The following SDK1 variants were observed in gnomAD, a reference collection of about 807,000 sequenced individuals.
SDK1 encodes the protein protein sidekick-1.
SDK1 carries 157 observed loss-of-function variants against 245.5 expected under a neutral mutation model. The ratio of observed to expected loss-of-function variants is 0.64; its 90% CI spans 0.56 to 0.73. The LOEUF (loss-of-function observed/expected upper bound fraction) is 0.73. Among genes scored for constraint, SDK1 ranks in the 30% least tolerant of loss-of-function variants. SDK1 has a pLI of 0.00. For missense variants in SDK1, 3,583 were observed against 3,002.3 expected, an observed-to-expected ratio of 1.19 and a Z score of -4.52; for synonymous variants, 1,647 against 1,278.5, an observed-to-expected ratio of 1.29 and a Z score of -6.15.
chr7:3,393,710 A>C (rs1233741532), intron 1 of SDK1, among the ~76,000 whole-genome samples: 1 of 151,912 alleles, frequency 6.6e-6, no homozygotes, highest in East Asian at 1.9e-4. Flanking sequence ...AATTATTTCA[A>C]TCTCTGTTAA....
intron 17 of SDK1, among the ~76,000 whole-genome samples, chr7:4,043,642 C>T (rs1205250967): frequency 8.5e-5 from 13 of 152,222 alleles, no homozygotes; most frequent in Non-Finnish European, 1.0e-4. Flanking sequence ...CAGAACTTGA[C>T]GTGAGGATTG....
In SDK1 at chr7:3,363,049, A is replaced by G. The variant is rs73675316; in HGVS notation, c.298+61165A>G. Among the ~76,000 whole-genome samples the G allele has an allele frequency of 5.2e-3, 787 of 152,270 alleles. 6 individuals are homozygous for G. Among genetic ancestry groups the G allele is most frequent in the African/African-American group, 0.018 (752 of 41,530 alleles). On this transcript the variant is annotated intron_variant, in intron 1 of 44. Coordinates refer to ENST00000404826, the MANE Select transcript of SDK1 (RefSeq NM_152744.4). ...TGTGGAGCAATGCCACATCTAGGAT[A>G]TTGACTTTAGTACAGTCAAGAAACA... is the stretch of plus-strand genomic sequence containing the variant.
At chr7:4,240,161 G>C (rs1786429625) in intron 42 of SDK1, among the ~76,000 whole-genome samples, 1 of 152,076 alleles carries the variant, frequency 6.6e-6, no homozygotes, top group African/African-American at 2.4e-5. Context: ...CCTGTGTCTG[G>C]TGCATAGAAA....
In SDK1 at chr7:4,178,482, C is replaced by T. The variant is rs760122054; in HGVS notation, c.4997-3C>T. On this transcript the variant is annotated splice_polypyrimidine_tract_variant and splice_region_variant and intron_variant, in intron 34 of 44. Transcript: ENST00000404826. ...CTGATCCATATTTCCTTCAACCCTGCAGATTTAAAGAAGTACCGGCGCTAT... is the reference window on the plus strand; with the variant it reads ...CTGATCCATATTTCCTTCAACCCTGTAGATTTAAAGAAGTACCGGCGCTAT... The T allele has an allele frequency of 6.2e-7, 1 of 1,607,702 alleles. No individual in the cohort carries two copies. Among genetic ancestry groups the T allele is most frequent in the South Asian group, 1.1e-5 (1 of 90,950 alleles).
intron 5 of SDK1, among the ~76,000 whole-genome samples, chr7:3,931,770 G>T (rs565258403): frequency 6.6e-6 from 1 of 152,144 alleles, no homozygotes; most frequent in African/African-American, 2.4e-5. Context: ...TACTTCTTAT[G>T]TATGAGTTTT....
rs149555096 is a variant in SDK1, at chr7:4,233,313, C to T, written c.5886C>T (p.Thr1962=). Residue 1962 remains threonine, a synonymous_variant, in exon 41 of 45, where the codon ACC becomes ACT. Coordinates refer to ENST00000404826, the MANE Select transcript of SDK1 (RefSeq NM_152744.4). ...TCCCGCGGAGCGCCACATCCTACAC[C>T]CTCAGCCTGGATAAGCTCCGGCAAG... is the stretch of plus-strand genomic sequence containing the variant. ...KDIPRSATSY[T]LSLDKLRQGV... 1.5e-5 allele frequency: 24 copies of T among 1,613,972 alleles called. No homozygotes were observed. In the East Asian group the frequency reaches 3.1e-4, roughly 21 times the overall value.
chr7:3,886,082 G>A (rs999257731), intron 5 of SDK1, among the ~76,000 whole-genome samples: 4 of 152,288 alleles, frequency 2.6e-5, no homozygotes, highest in Admixed American at 1.3e-4. Context: ...TGGTGGCCCC[G>A]CAGAGACCTG....
intron 1 of SDK1, among the ~76,000 whole-genome samples, chr7:3,491,938 A>C (rs962791967): frequency 1.3e-5 from 2 of 152,246 alleles, no homozygotes; most frequent in Non-Finnish European, 2.9e-5. Context: ...TAGCTGATAC[A>C]GTGAATACAG....
intron 1 of SDK1, among the ~76,000 whole-genome samples, chr7:3,522,217 C>A (rs1782962823): frequency 6.6e-6 from 1 of 152,046 alleles, no homozygotes; most frequent in Admixed American, 6.6e-5. Flanking sequence ...GTCAGGCTTT[C>A]AGTGCTTCAC....
rs1011670405 is a variant in SDK1 at position 4,127,442 on chromosome 7, G to A, written c.3885G>A (p.Leu1295=). ...AEAVSSTQIL[L]TWTSVPEQDQ... ...CTGTCAGCTCGACCCAGATTTTACT[G>A]ACATGGACATCCGTGCCGGAACAGG... Residue 1295 remains leucine, a synonymous_variant, in exon 26 of 45, where the codon CTG becomes CTA. Coordinates refer to ENST00000404826, the MANE Select transcript of SDK1 (RefSeq NM_152744.4). 12 of 1,614,072 alleles carry A rather than the reference G, an allele frequency of 7.4e-6. No homozygotes were observed. Among genetic ancestry groups the A allele is most frequent in the South Asian group, 1.1e-5 (1 of 91,074 alleles).
chr7:4,021,635 C>G (rs1786904999), intron 17 of SDK1, among the ~76,000 whole-genome samples: 1 of 152,204 alleles, frequency 6.6e-6, no homozygotes, highest in Non-Finnish European at 1.5e-5. Context: ...CGTCCCCACT[C>G]TAGAAGGCAA....
chr7:3,645,862 T>A (rs1001462075), intron 4 of SDK1, among the ~76,000 whole-genome samples: 8 of 151,946 alleles, frequency 5.3e-5, no homozygotes, highest in Non-Finnish European at 1.2e-4. Context: ...TATTTTTTTT[T>A]TATTTTTATT....
At chr7:4,248,189 T>A (rs938278314) in intron 44 of SDK1, among the ~76,000 whole-genome samples, 1 of 152,072 alleles carries the variant, frequency 6.6e-6, no homozygotes, top group Non-Finnish European at 1.5e-5. Context: ...TACACACATG[T>A]GCACGGACAC....
At chr7:3,788,254 C>T (rs1395261496) in intron 4 of SDK1, among the ~76,000 whole-genome samples, 1 of 152,190 alleles carries the variant, frequency 6.6e-6, no homozygotes, top group Non-Finnish European at 1.5e-5. Flanking sequence ...CACCTTCATA[C>T]GCACGCTTGT....
chr7:3,473,531 T>C (rs1781248030), intron 1 of SDK1, among the ~76,000 whole-genome samples: 1 of 152,194 alleles, frequency 6.6e-6, no homozygotes, highest in Non-Finnish European at 1.5e-5. Flanking sequence ...GAGACCAGCC[T>C]CTAGATAGGA....
At chr7:3,341,804 C>G (rs1312062888) in intron 1 of SDK1, among the ~76,000 whole-genome samples, 1 of 152,188 alleles carries the variant, frequency 6.6e-6, no homozygotes. Flanking sequence ...TTGCCACAAA[C>G]CATATTGACA....
At chr7:4,151,388 AG>A (rs1780371644) in intron 30 of SDK1, among the ~76,000 whole-genome samples, 1 of 152,240 alleles carries the variant, frequency 6.6e-6, no homozygotes, top group African/African-American at 2.4e-5. Flanking sequence ...GTTTCCAGCA[AG>A]GCCAGAGCCA....
chr7:4,202,860 C>T (rs1366257146), intron 35 of SDK1, among the ~76,000 whole-genome samples: 1 of 152,180 alleles, frequency 6.6e-6, no homozygotes, highest in Non-Finnish European at 1.5e-5. Flanking sequence ...GGCTGCAGCC[C>T]AGGCCTGCCA....
At chr7:3,921,386 G>C (rs1187326602) in intron 5 of SDK1, among the ~76,000 whole-genome samples, 1 of 152,050 alleles carries the variant, frequency 6.6e-6, no homozygotes, top group Admixed American at 6.5e-5. Flanking sequence ...ATTTAGATTG[G>C]TTCCTGGCTT....
Sources: allele counts gnomAD v4.1 joint callset (sites outside exome capture counted in the v4.1 genomes callset), GRCh38; gene constraint gnomAD v4.1.1; transcripts MANE v1.5; gene names NCBI Gene and HGNC (gene_info 2026-07-23, HGNC 2026-07-21).